The following MYO10 variants were observed in gnomAD, a reference collection of about 807,000 sequenced individuals.
The protein encoded by MYO10 is myosin X.
MYO10 carries 133 observed loss-of-function variants against 257.3 expected under a neutral mutation model. The ratio of observed to expected loss-of-function variants is 0.52; its 90% CI spans 0.45 to 0.60. The LOEUF (loss-of-function observed/expected upper bound fraction) is 0.60. Among genes scored for constraint, MYO10 ranks in the 20% least tolerant of loss-of-function variants. The pLI, the probability that MYO10 is intolerant of heterozygous loss-of-function variation, is 0.00. For missense variants in MYO10, 2,399 were observed against 2,635.7 expected, an observed-to-expected ratio of 0.91 and a Z score of 1.97; for synonymous variants, 1,104 against 1,028.6, an observed-to-expected ratio of 1.07 and a Z score of -1.40.
chr5:16,884,046 A>T (rs1744830203), intron 1 of MYO10, among the ~76,000 whole-genome samples: 1 of 152,184 alleles, frequency 6.6e-6, no homozygotes, highest in Non-Finnish European at 1.5e-5. Context: ...CTGGCCACCT[A>T]CATGACAAAC....
chr5:16,715,756 A>T lies in MYO10; in HGVS notation c.1930-4511T>A, dbSNP rs35535353. Among the ~76,000 whole-genome samples the T allele has an allele frequency of 6.2e-3, 942 of 152,164 alleles. 10 individuals carry two copies. The highest frequency in any genetic ancestry group is 0.019 in the African/African-American group (786 of 41,500). On this transcript the variant is annotated intron_variant, in intron 19 of 40. Transcript: ENST00000513610. Reference sequence around the variant, plus strand: ...ATATCTCAAAAAAGCTGTTAAAAAAATTTTTTAAGTACATTAAGGCCAGGC... The same window carrying T: ...ATATCTCAAAAAAGCTGTTAAAAAATTTTTTTAAGTACATTAAGGCCAGGC...
intron 19 of MYO10, among the ~76,000 whole-genome samples, chr5:16,727,392 A>G (rs939690017): frequency 6.6e-6 from 1 of 152,224 alleles, no homozygotes; most frequent in African/African-American, 2.4e-5. Context: ...TTTTGTATAA[A>G]TACACTGTCA....
intron 1 of MYO10, among the ~76,000 whole-genome samples, chr5:16,933,687 C>A (rs1308621415): frequency 6.6e-6 from 1 of 152,118 alleles, no homozygotes; most frequent in Non-Finnish European, 1.5e-5. Flanking sequence ...AAAGGATGCT[C>A]CATTACAAGA....
chr5:16,685,819 G>A lies in MYO10; in HGVS notation c.3909C>T (p.Ser1303=). ...TGGACGCGTGGACCTGACTCAGCAC[G>A]CTGAACCACTGGCTGTGGGGAAGAG... ...ESPEDASQWF[S]VLSQVHASTD... Residue 1303 remains serine (S), a synonymous_variant, in exon 29 of 41, where the codon AGC becomes AGT. Coordinates refer to ENST00000513610, the MANE Select transcript of MYO10 (RefSeq NM_012334.3). 5 of 1,595,874 alleles carry A rather than the reference G, an allele frequency of 3.1e-6. No homozygotes were observed. The highest frequency in any genetic ancestry group is 1.7e-4 in the Middle Eastern group (1 of 6,044).
At chr5:16,929,077 C>T (rs921670524) in intron 1 of MYO10, among the ~76,000 whole-genome samples, 6 of 151,488 alleles carry the variant, frequency 4.0e-5, no homozygotes, top group South Asian at 2.1e-4. Flanking sequence ...CTCAGCCTCC[C>T]GAGTAGCTGG....
chr5:16,704,505 C>T, intron 22 of MYO10, 74 bp downstream of exon 22: 1 of 1,314,558 alleles, frequency 7.6e-7, no homozygotes. Context: ...CAGGCCACTC[C>T]ACTGGAACAC....
At chr5:16,706,240 CAT>C (rs1030658587) in intron 21 of MYO10, among the ~76,000 whole-genome samples, 1 of 151,556 alleles carries the variant, frequency 6.6e-6, no homozygotes, top group Non-Finnish European at 1.5e-5. Flanking sequence ...TATACACACT[CAT>C]ATATATACAC....
At chr5:16,795,592 T>G (rs919204105) in intron 3 of MYO10, among the ~76,000 whole-genome samples, 6 of 151,920 alleles carry the variant, frequency 3.9e-5, no homozygotes, top group African/African-American at 1.5e-4. Context: ...CAGAGTGAGA[T>G]TCCATCTCAA....
chr5:16,837,601 C>CT (rs1743352506), intron 2 of MYO10, among the ~76,000 whole-genome samples: 1 of 152,124 alleles, frequency 6.6e-6, no homozygotes, highest in Non-Finnish European at 1.5e-5. Flanking sequence ...GAATGGTACA[C>CT]TTTGAGTAAA....
chr5:16,726,454 A>G (rs1015415928), intron 19 of MYO10, among the ~76,000 whole-genome samples: 3 of 152,168 alleles, frequency 2.0e-5, no homozygotes, highest in African/African-American at 7.2e-5. Flanking sequence ...GGTAGATATT[A>G]TTGTCATCCC....
rs147905272 is a variant in MYO10 at position 16,670,648 on chromosome 5, G to C, written c.5761C>G (p.Arg1921Gly). 3.7e-4 allele frequency: 593 copies of C among 1,613,960 alleles called. 1 individual carries two copies. The African/African-American group carries it at 7.0e-3, about 19-fold the overall frequency. The change falls in exon 39 of 41, where the codon CGA (arginine) becomes GGA (glycine). Residue 1921 changes from arginine to glycine, a missense_variant. Physicochemically the swap from Arg to Gly is moderately radical, Grantham distance 125. Around this residue, in one of 3 missense-constraint regions of MYO10, gnomAD observed 1,820 missense variants for 1,939.4 expected, o/e 0.94. Transcript: ENST00000513610. ...CTCCACTTGTCAATGATACTGGCTC[G>C]AGCAGAGGAGACTTCTTCCTTAATC... ...MWIKEEVSSA[R>G]ASIIDKWRKF...
intron 10 of MYO10, among the ~76,000 whole-genome samples, chr5:16,766,444 CT>C (rs1239566177): frequency 6.6e-6 from 1 of 151,946 alleles, no homozygotes; most frequent in Non-Finnish European, 1.5e-5. Flanking sequence ...TTTGCAACTC[CT>C]TTTTTTTGAG....
At chr5:16,767,424 C>T (rs762992554) in intron 10 of MYO10, among the ~76,000 whole-genome samples, 3 of 151,982 alleles carry the variant, frequency 2.0e-5, no homozygotes, top group Non-Finnish European at 4.4e-5. Context: ...CCTACCTTGG[C>T]CTCCTAAAGA....
intron 2 of MYO10, among the ~76,000 whole-genome samples, chr5:16,861,101 G>A (rs1377093280): frequency 6.6e-6 from 1 of 152,102 alleles, no homozygotes; most frequent in East Asian, 1.9e-4. Flanking sequence ...CAGAGCCAAG[G>A]CCCTTGGTAG....
At chr5:16,894,759 G>C (rs555116994) in intron 1 of MYO10, among the ~76,000 whole-genome samples, 1 of 152,292 alleles carries the variant, frequency 6.6e-6, no homozygotes, top group South Asian at 2.1e-4. Context: ...CTAATGTGGG[G>C]ATACACAGAG....
chr5:16,796,086 G>C (rs1741931828), intron 3 of MYO10, among the ~76,000 whole-genome samples: 1 of 151,416 alleles, frequency 6.6e-6, no homozygotes, highest in Non-Finnish European at 1.5e-5. Flanking sequence ...CTACTCGGGA[G>C]GCTGAGGCAG....
At chr5:16,883,977 CT>C (rs1249647902) in intron 1 of MYO10, among the ~76,000 whole-genome samples, 1 of 152,216 alleles carries the variant, frequency 6.6e-6, no homozygotes, top group Non-Finnish European at 1.5e-5. Flanking sequence ...GGCACTGTGC[CT>C]GCTCATCTCC....
chr5:16,763,336 CATTTAT>C, intron 14 of MYO10, 139 bp downstream of exon 14: 1 of 683,426 alleles, frequency 1.5e-6, no homozygotes, highest in Non-Finnish European at 2.6e-6. Context: ...TGCACATTTA[CATTTAT>C]GTTTCCAAAT....
At chr5:16,934,833 G>A (rs897566723) in intron 1 of MYO10, among the ~76,000 whole-genome samples, 2 of 152,292 alleles carry the variant, frequency 1.3e-5, no homozygotes, top group African/African-American at 2.4e-5. Context: ...GGCTAACACA[G>A]AGGCAAGCCC....
Sources: gnomAD v4.1 joint callset for allele counts (sites outside exome capture counted in the v4.1 genomes callset) on GRCh38, gnomAD v4.1.1 for gene constraint, gnomAD v4.1.1 regional missense constraint, MANE v1.5 for transcripts, NCBI Gene and HGNC (gene_info 2026-07-23, HGNC 2026-07-21) for gene names.